Variants in FAM89B observed in about 807,000 individuals in gnomAD.
FAM89B encodes the protein leucine repeat adapter protein 25.
Under a neutral mutation model 13.4 loss-of-function variants are expected in FAM89B, and 9 were observed. The observed-to-expected ratio is 0.67, with a 90% CI of 0.40 to 1.17. The LOEUF is 1.17. FAM89B is among the 50% of genes most tolerant of loss of function. The pLI, the probability that FAM89B is intolerant of heterozygous loss-of-function variation, is 0.01. For missense variants in FAM89B, 256 were observed against 256.1 expected (o/e 1.00, Z 0.00); for synonymous variants, 138 against 121.2 (o/e 1.14, Z -0.91).
rs182976740 is a variant in FAM89B, at chr11:65,573,781, C to T, written c.*140C>T. The T allele has an allele frequency of 1.4e-5, 15 of 1,039,516 alleles. No individual in the cohort carries two copies. In the African/African-American group the frequency reaches 2.1e-4, roughly 15 times the overall value. The allele number at this position is 1,039,516 out of a possible 1,614,324, so 64.4% of individuals were successfully genotyped here. A position where few individuals can be genotyped will look rare whatever the true frequency, so the allele number is the denominator to read the frequency against. ...GGGCCAGGCATGTATTCCTCAGAGG[C>T]GAAACTGCCAAACTCTTTCTCCTGT... On this transcript the variant is annotated 3_prime_UTR_variant, in exon 2 of 2. Coordinates refer to ENST00000530349, the MANE Select transcript of FAM89B (RefSeq NM_001098785.2).
intron 1 of FAM89B, 34 bp downstream of exon 1, chr11:65,572,994 G>C: frequency 8.2e-7 from 1 of 1,226,276 alleles, no homozygotes; most frequent in Non-Finnish European, 1.0e-6. Context: ...GCTGGGCGGG[G>C]GGCTGACGCG....
Position 65,572,684 on chromosome 11 carries a change from C to G in FAM89B, c.15C>G (p.Pro5=). The part of the protein sequence containing the change: MNGL[P]SAEAPGGAGC... Reference sequence around the variant, plus strand: ...CGGCCCCGGCCATGAACGGGCTGCCCTCGGCAGAGGCGCCGGGCGGGGCGG... The same window carrying G: ...CGGCCCCGGCCATGAACGGGCTGCCGTCGGCAGAGGCGCCGGGCGGGGCGG... Residue 5 remains proline (P), a synonymous_variant, in exon 1 of 2, where the codon CCC becomes CCG. Coordinates refer to ENST00000530349, the MANE Select transcript of FAM89B (RefSeq NM_001098785.2). 8 of 1,158,938 alleles carry G rather than the reference C, an allele frequency of 6.9e-6. No homozygotes were observed. The highest frequency in any genetic ancestry group is 8.5e-6 in the Non-Finnish European group (8 of 942,586). 71.8% of individuals were successfully genotyped at this position (1,158,938 alleles called of 1,614,324 possible). A position where few individuals can be genotyped will look rare whatever the true frequency, so the allele number is the denominator to read the frequency against.
rs1857153216 is a variant in FAM89B at position 65,572,708 on chromosome 11, G to A, written c.39G>A (p.Ala13=). 8.6e-7 allele frequency: 1 copy of A among 1,160,918 alleles called. No homozygotes were observed. The highest frequency in any genetic ancestry group is 1.1e-6 in the Non-Finnish European group (1 of 942,904). The allele number at this position is 1,160,918 out of a possible 1,614,324, so 71.9% of individuals were successfully genotyped here. A position where few individuals can be genotyped will look rare whatever the true frequency, so the allele number is the denominator to read the frequency against. Residue 13 remains alanine, a synonymous_variant, in exon 1 of 2, where the codon GCG becomes GCA. Coordinates refer to ENST00000530349, the MANE Select transcript of FAM89B (RefSeq NM_001098785.2). ...GLPSAEAPGG[A]GCALAGLPPL... The stretch of plus-strand genomic sequence containing the variant: ...CCTCGGCAGAGGCGCCGGGCGGGGC[G>A]GGCTGCGCTTTGGCCGGGCTCCCAC...
At chr11:65,573,281 G>A (rs890489740) in intron 1 of FAM89B, 82 bp from the exon 2 acceptor site, 19 of 1,423,658 alleles carry the variant, frequency 1.3e-5, no homozygotes, top group Non-Finnish European at 2.8e-6. Flanking sequence ...GGGAAGATGG[G>A]CTGGGGCCCA....
chr11:65,573,703 G>C lies in FAM89B; in HGVS notation c.*62G>C, dbSNP rs1857173182. The C allele has an allele frequency of 3.3e-6, 5 of 1,522,340 alleles. 1 individual carries two copies. The South Asian group carries it at 6.2e-5, about 19-fold the overall frequency. The allele number at this position is 1,522,340 out of a possible 1,614,324, so 94.3% of individuals were successfully genotyped here. On this transcript the variant is annotated 3_prime_UTR_variant, in exon 2 of 2. Coordinates refer to ENST00000530349, the MANE Select transcript of FAM89B (RefSeq NM_001098785.2). ...GGCTCAGAAACTCCCCCTCCGGCAA[G>C]CCCTCAGACTTCGGAGCCTGCGCCT...
rs1857167075 is a variant in FAM89B at position 65,573,442 on chromosome 11, T to G, written c.371T>G (p.Leu124Arg). 6.2e-7 allele frequency: 1 copy of G among 1,613,502 alleles called. No individual in the cohort carries two copies. Among genetic ancestry groups the G allele is most frequent in the African/African-American group, 1.3e-5 (1 of 75,034 alleles). Residue 124 changes from leucine (L) to arginine (R), a missense_variant, in exon 2 of 2, where the codon CTG becomes CGG. By Grantham distance (102) the Leu-to-Arg change is moderately radical. Transcript: ENST00000530349. Reference sequence around the variant, plus strand: ...GAGTCAATCCAGGACTACAAACACCTGTGCCAAGACCTGAGCTTCTGCCAG... The same window carrying G: ...GAGTCAATCCAGGACTACAAACACCGGTGCCAAGACCTGAGCTTCTGCCAG... ...LYESIQDYKH[L>R]CQDLSFCQDL...
intron 1 of FAM89B, 79 bp from the exon 2 acceptor site, chr11:65,573,284 G>T: frequency 7.1e-7 from 1 of 1,418,306 alleles, no homozygotes; most frequent in Non-Finnish European, 9.3e-7. Flanking sequence ...AAGATGGGCT[G>T]GGGCCCACTA....
chr11:65,572,572 G>T lies in FAM89B; in HGVS notation c.-98G>T. 7.1e-7 allele frequency: 1 copy of T among 1,411,078 alleles called. No homozygotes were observed. The highest frequency in any genetic ancestry group is 9.3e-7 in the Non-Finnish European group (1 of 1,075,772). 87.4% of individuals were successfully genotyped at this position (1,411,078 alleles called of 1,614,324 possible). A position where few individuals can be genotyped will look rare whatever the true frequency, so the allele number is the denominator to read the frequency against. ...AGCGAGGCCTGCGGGCGGCGGCTGG[G>T]CTCCGGCGGGGCCGCGGGGTGCGGG... On this transcript the variant is annotated 5_prime_UTR_variant, in exon 1 of 2. Transcript: ENST00000530349.
At position 65,572,607 on chromosome 11, in the gene FAM89B, C is replaced by T. The variant is rs1211227576; in HGVS notation, c.-63C>T. The T allele has an allele frequency of 3.5e-5, 42 of 1,213,564 alleles. No homozygotes were observed. The highest frequency in any genetic ancestry group is 3.8e-5 in the Non-Finnish European group (37 of 980,884). The allele number at this position is 1,213,564 out of a possible 1,614,324, so 75.2% of individuals were successfully genotyped here. The stretch of plus-strand genomic sequence containing the variant: ...GGCCGCGGGGTGCGGGGCCTGCGGG[C>T]GGCGGCCCGGGCGGAGCGTTGGAGG... On this transcript the variant is annotated 5_prime_UTR_variant, in exon 1 of 2. Coordinates refer to ENST00000530349, the MANE Select transcript of FAM89B (RefSeq NM_001098785.2).
At chr11:65,573,195 G>T (rs1165307228) in intron 1 of FAM89B, among the ~76,000 whole-genome samples, 168 bp from the exon 2 acceptor site, 1 of 152,082 alleles carries the variant, frequency 6.6e-6, no homozygotes, top group Non-Finnish European at 1.5e-5. Flanking sequence ...CATTTTTTGG[G>T]TGAGGGTCAT....
At position 65,572,669 on chromosome 11, in the gene FAM89B, C is replaced by T; in HGVS notation, c.-1C>T. The T allele has an allele frequency of 8.6e-7, 1 of 1,169,356 alleles. No homozygotes were observed. The highest frequency in any genetic ancestry group is 4.1e-5 in the South Asian group (1 of 24,260). 72.4% of individuals were successfully genotyped at this position (1,169,356 alleles called of 1,614,324 possible). On this transcript the variant is annotated 5_prime_UTR_variant, in exon 1 of 2. Transcript: ENST00000530349. ...CATCGCCGTCCGCGCCGGCCCCGGC[C>T]ATGAACGGGCTGCCCTCGGCAGAGG...
In FAM89B at chr11:65,573,496, GCTC is replaced by G; in HGVS notation, c.428_430del (p.Ser143del). 1 of 1,614,158 alleles carries G rather than the reference GCTC, an allele frequency of 6.2e-7. No homozygotes were observed. Among genetic ancestry groups the G allele is most frequent in the Non-Finnish European group, 8.5e-7 (1 of 1,180,012 alleles). On this transcript the variant is annotated inframe_deletion, in exon 2 of 2. Transcript: ENST00000530349. ...CTGTCATCCTCCCTCCATTCGGACA[GCTC>G]CTACCCACCGGATGCGGGCCTGTCT...
At position 65,573,720 on chromosome 11, in the gene FAM89B, C is replaced by T. The variant is rs1857173457; in HGVS notation, c.*79C>T. The T allele has an allele frequency of 1.4e-6, 2 of 1,472,692 alleles. No homozygotes were observed. Among genetic ancestry groups the T allele is most frequent in the Non-Finnish European group, 1.8e-6 (2 of 1,101,078 alleles). 91.2% of individuals were successfully genotyped at this position (1,472,692 alleles called of 1,614,324 possible). A position where few individuals can be genotyped will look rare whatever the true frequency, so the allele number is the denominator to read the frequency against. On this transcript the variant is annotated 3_prime_UTR_variant, in exon 2 of 2. Coordinates refer to ENST00000530349, the MANE Select transcript of FAM89B (RefSeq NM_001098785.2). ...TCCGGCAAGCCCTCAGACTTCGGAG[C>T]CTGCGCCTTCCCCCCTACCGCCTCA...
Position 65,572,807 on chromosome 11 carries a change from C to T in FAM89B, c.138C>T (p.Ser46=). The stretch of plus-strand genomic sequence containing the variant: ...GGCGGGAGCTGGAGCGCGTCTACAG[C>T]CAGCGCAGCCGCATCCACGACGAGC... ...GSWRELERVY[S]QRSRIHDELS... Residue 46 remains serine, a synonymous_variant, in exon 1 of 2, where the codon AGC becomes AGT. Transcript: ENST00000530349. 1 of 1,206,164 alleles carries T rather than the reference C, an allele frequency of 8.3e-7. No individual in the cohort carries two copies. The highest frequency in any genetic ancestry group is 1.0e-6 in the Non-Finnish European group (1 of 964,142). The allele number at this position is 1,206,164 out of a possible 1,614,324, so 74.7% of individuals were successfully genotyped here.
intron 1 of FAM89B, 68 bp downstream of exon 1, chr11:65,573,028 G>T: frequency 8.2e-7 from 1 of 1,213,776 alleles, no homozygotes. Flanking sequence ...GACTGGGACA[G>T]GCGGCCTGGG....
rs1322165583 is a variant in FAM89B at position 65,573,882 on chromosome 11, CAT to C, written c.*242_*243del. ...TGGCACTGGGCCTCCAGTTCTTCCACATGTGTGCACCCCCAGCTTGGCCAACC... is the reference window on the plus strand; with the variant it reads ...TGGCACTGGGCCTCCAGTTCTTCCACGTGTGCACCCCCAGCTTGGCCAACC... On this transcript the variant is annotated 3_prime_UTR_variant, in exon 2 of 2. Coordinates refer to ENST00000530349, the MANE Select transcript of FAM89B (RefSeq NM_001098785.2). 1.0e-5 allele frequency: 5 copies of C among 497,922 alleles called. No individual in the cohort carries two copies. Among genetic ancestry groups the C allele is most frequent in the South Asian group, 3.0e-5 (1 of 33,404 alleles). The allele number at this position is 497,922 out of a possible 1,614,324, so 30.8% of individuals were successfully genotyped here. A position where few individuals can be genotyped will look rare whatever the true frequency, so the allele number is the denominator to read the frequency against.
At position 65,573,633 on chromosome 11, in the gene FAM89B, A is replaced by C. The variant is rs1485202151; in HGVS notation, c.562A>C (p.Ser188Arg). The change falls in exon 2 of 2, where the codon AGC becomes CGC. Residue 188 changes from serine (S) to arginine (R), a missense_variant. Ser to Arg is a moderately radical substitution (Grantham distance 110, BLOSUM62 -1). Transcript: ENST00000530349. ...DQWLQDAFHI[S>R]L ...GTGGCTGCAGGATGCCTTCCACATC[A>C]GCCTCTGAAGGGCTGGGGGGCAGGG... is the stretch of plus-strand genomic sequence containing the variant. The C allele has an allele frequency of 2.5e-6, 4 of 1,604,654 alleles. No homozygotes were observed. Among genetic ancestry groups the C allele is most frequent in the Admixed American group, 1.7e-5 (1 of 59,902 alleles).
rs1857155590 is a variant in FAM89B, at chr11:65,572,805, A to G, written c.136A>G (p.Ser46Gly). 1 of 1,204,986 alleles carries G rather than the reference A, an allele frequency of 8.3e-7. No individual in the cohort carries two copies. Among genetic ancestry groups the G allele is most frequent in the Non-Finnish European group, 1.0e-6 (1 of 963,464 alleles). The allele number at this position is 1,204,986 out of a possible 1,614,324, so 74.6% of individuals were successfully genotyped here. ...GSWRELERVY[S>G]QRSRIHDELS... ...GTGGCGGGAGCTGGAGCGCGTCTAC[A>G]GCCAGCGCAGCCGCATCCACGACGA... Residue 46 changes from serine (S) to glycine (G), a missense_variant, in exon 1 of 2, where the codon AGC (serine) becomes GGC (glycine). Ser to Gly is a moderately conservative substitution (Grantham distance 56). Transcript: ENST00000530349.
In FAM89B at chr11:65,573,509, G is replaced by A. The variant is rs745857858; in HGVS notation, c.438G>A (p.Pro146=). The change falls in exon 2 of 2, where the codon CCG becomes CCA. Residue 146 remains proline (P), a synonymous_variant. Coordinates refer to ENST00000530349, the MANE Select transcript of FAM89B (RefSeq NM_001098785.2). ...SSLHSDSSYP[P]DAGLSDDEEP... ...TCCATTCGGACAGCTCCTACCCACC[G>A]GATGCGGGCCTGTCTGACGACGAGG... 18 of 1,614,150 alleles carry A rather than the reference G, an allele frequency of 1.1e-5. No homozygotes were observed. The highest frequency in any genetic ancestry group is 3.3e-4 in the Middle Eastern group (2 of 6,062).
Sources: allele counts gnomAD v4.1 joint callset (sites outside exome capture counted in the v4.1 genomes callset), GRCh38; gene constraint gnomAD v4.1.1; transcripts MANE v1.5; gene names NCBI Gene and HGNC (gene_info 2026-07-23, HGNC 2026-07-21).